The following UBAC2 variants were observed in gnomAD, a reference collection of about 807,000 sequenced individuals.
UBAC2 encodes the protein UBA domain containing 2.
A neutral mutation model predicts 44.0 loss-of-function variants in UBAC2; 26 were observed. The observed-to-expected ratio is 0.59, with a 90% CI of 0.43 to 0.82. UBAC2 has a LOEUF of 0.82. UBAC2 is among the 40% of genes least tolerant of loss of function. The pLI is 0.00. For missense variants in UBAC2, 329 were observed against 419.4 expected (o/e 0.78, Z 1.88); for synonymous variants, 155 against 154.3 (o/e 1.00, Z -0.04).
At chr13:99,308,863 G>A (rs2044374373) in intron 4 of UBAC2, 1 of 152,046 alleles carries the variant, frequency 6.6e-6, no homozygotes, top group Non-Finnish European at 1.5e-5. Context: ...TTCTATGAGG[G>A]GGTAATACAG....
intron 4 of UBAC2, among the ~76,000 whole-genome samples, chr13:99,273,891 C>G (rs1211026185): frequency 7.2e-6 from 1 of 139,244 alleles, no homozygotes; most frequent in Non-Finnish European, 1.6e-5. Flanking sequence ...TGCTTTCTTT[C>G]TCTGTGTTTT....
At chr13:99,382,381 C>T (rs2045563009) in intron 8 of UBAC2, among the ~76,000 whole-genome samples, 1 of 152,208 alleles carries the variant, frequency 6.6e-6, no homozygotes, top group African/African-American at 2.4e-5. Flanking sequence ...TCAGCAGGCC[C>T]AGCTTAACTG....
chr13:99,300,479 C>T (rs1359716209), intron 4 of UBAC2, among the ~76,000 whole-genome samples: 1 of 152,240 alleles, frequency 6.6e-6, no homozygotes, highest in East Asian at 1.9e-4. Context: ...GAGGAAAATC[C>T]TTTCATATGC....
intron 4 of UBAC2, among the ~76,000 whole-genome samples, chr13:99,249,902 C>A (rs929703736): frequency 2.0e-5 from 3 of 152,146 alleles, no homozygotes; most frequent in Non-Finnish European, 2.9e-5. Flanking sequence ...CTTTTGCCCA[C>A]TTTTTAATGG....
At chr13:99,240,817 T>G (rs1220964455) in intron 2 of UBAC2, among the ~76,000 whole-genome samples, 1 of 152,190 alleles carries the variant, frequency 6.6e-6, no homozygotes, top group Non-Finnish European at 1.5e-5. Flanking sequence ...TGACAAAGAC[T>G]CTGCCTGGTG....
Position 99,295,386 on chromosome 13 carries a change from C to T in UBAC2, c.390-18711C>T, listed in dbSNP as rs911224124. 1.2e-6 allele frequency: 2 copies of T among 1,614,004 alleles called. No individual in the cohort carries two copies. Among genetic ancestry groups the T allele is most frequent in the South Asian group, 2.2e-5 (2 of 91,070 alleles). On this transcript the variant is annotated intron_variant, in intron 4 of 8. Transcript: ENST00000403766. This position sits in a 1 kb window ranked among gnomAD's most constrained non-coding sequence, Gnocchi z 4.1. ...ACATGGTAAGGTGTGAAACAGAGAACAAACACAACAATAATAAGAATAATT... is the reference window on the plus strand; with the variant it reads ...ACATGGTAAGGTGTGAAACAGAGAATAAACACAACAATAATAAGAATAATT...
intron 6 of UBAC2, among the ~76,000 whole-genome samples, chr13:99,337,966 C>T (rs1203957865): frequency 1.3e-5 from 2 of 148,874 alleles, no homozygotes; most frequent in Non-Finnish European, 3.0e-5. Context: ...TTGGGCCACA[C>T]ATAATATACA....
intron 7 of UBAC2, among the ~76,000 whole-genome samples, chr13:99,357,394 G>T (rs1003961044): frequency 5.3e-5 from 8 of 152,308 alleles, no homozygotes; most frequent in Middle Eastern, 3.4e-3. Flanking sequence ...AGTGCTTCTT[G>T]TTTAGTTTTT....
At chr13:99,227,195 T>C (rs2043119746) in intron 1 of UBAC2, among the ~76,000 whole-genome samples, 1 of 148,340 alleles carries the variant, frequency 6.7e-6, no homozygotes, top group Non-Finnish European at 1.5e-5. Flanking sequence ...CGAAACTCCA[T>C]CTCAAAAAAA....
chr13:99,288,841 G>C (rs1288417875), intron 4 of UBAC2, among the ~76,000 whole-genome samples: 2 of 152,102 alleles, frequency 1.3e-5, no homozygotes, highest in African/African-American at 4.8e-5. Flanking sequence ...AATCTCCTCA[G>C]CTAATATTTG....
chr13:99,292,912 T>C (rs781262587), intron 4 of UBAC2, among the ~76,000 whole-genome samples: 1 of 152,216 alleles, frequency 6.6e-6, no homozygotes, highest in African/African-American at 2.4e-5. Flanking sequence ...ATAACAATTA[T>C]ACAGCCCTGT....
chr13:99,299,742 G>A (rs144931247), intron 4 of UBAC2, among the ~76,000 whole-genome samples: 78 of 152,158 alleles, frequency 5.1e-4, no homozygotes, highest in Middle Eastern at 6.8e-3. Flanking sequence ...TACTAGTTGT[G>A]TACCTTTGCA....
chr13:99,347,709 G>A (rs1323033536), intron 7 of UBAC2, among the ~76,000 whole-genome samples: 1 of 150,898 alleles, frequency 6.6e-6, no homozygotes, highest in Non-Finnish European at 1.5e-5. Flanking sequence ...ACAGGGGCAG[G>A]GTACAGTGGT....
chr13:99,202,359 C>A (rs2042814540), intron 1 of UBAC2, among the ~76,000 whole-genome samples: 1 of 152,208 alleles, frequency 6.6e-6, no homozygotes, highest in Non-Finnish European at 1.5e-5. Context: ...AGCATTAGGA[C>A]TGTAGCTGAA....
At chr13:99,237,267 T>TACACACACACACACACACAC (rs560517982) in intron 1 of UBAC2, among the ~76,000 whole-genome samples, 10 of 118,666 alleles carry the variant, frequency 8.4e-5, no homozygotes, top group Non-Finnish European at 1.5e-4. Context: ...TATATATATA[T>TACACACACACACACACACAC]ATATACACAC....
chr13:99,247,781 G>A (rs1479327341), intron 4 of UBAC2, among the ~76,000 whole-genome samples: 4 of 151,942 alleles, frequency 2.6e-5, no homozygotes, highest in Non-Finnish European at 4.4e-5. Flanking sequence ...TCAGTGTTTT[G>A]CACCTAACAT....
At chr13:99,350,279 G>A (rs1440689454) in intron 7 of UBAC2, among the ~76,000 whole-genome samples, 8 of 151,810 alleles carry the variant, frequency 5.3e-5, no homozygotes, top group African/African-American at 1.7e-4. Flanking sequence ...GTAATCCTTC[G>A]CCCACAGTGA....
intron 7 of UBAC2, among the ~76,000 whole-genome samples, chr13:99,349,814 C>T (rs2045052760): frequency 6.6e-6 from 1 of 152,162 alleles, no homozygotes; most frequent in South Asian, 2.1e-4. Context: ...CACAGCATCA[C>T]AGGGAGGGGT....
intron 4 of UBAC2, among the ~76,000 whole-genome samples, chr13:99,310,774 G>C (rs1461012193): frequency 6.6e-6 from 1 of 152,116 alleles, no homozygotes; most frequent in Non-Finnish European, 1.5e-5. Flanking sequence ...ACGTTGAAAT[G>C]TAACCTCAAA....
Sources: gnomAD v4.1 joint callset for allele counts (sites outside exome capture counted in the v4.1 genomes callset) on GRCh38, gnomAD v4.1.1 for gene constraint, Gnocchi (gnomAD v3.1) non-coding constraint, MANE v1.5 for transcripts, NCBI Gene and HGNC (gene_info 2026-07-23, HGNC 2026-07-21) for gene names.